TENM3: variants seen among roughly 807,000 people sequenced by gnomAD.
TENM3 encodes the protein teneurin transmembrane protein 3, also known as teneurin-3.
TENM3 carries 63 observed loss-of-function variants against 255.1 expected under a neutral mutation model. The ratio of observed to expected loss-of-function variants is 0.25; its 90% CI spans 0.20 to 0.30. TENM3 has a LOEUF of 0.30. Among genes scored for constraint, TENM3 ranks in the 10% least tolerant of loss-of-function variants. The probability of loss-of-function intolerance (pLI) is 1.00; values close to 1 mark genes in which losing one functional copy is unlikely to be tolerated. For synonymous variants in TENM3, 1,306 were observed against 1,322.3 expected (o/e 0.99, Z 0.27); for missense variants, 2,929 against 3,461.1 (o/e 0.85, Z 3.86).
At chr4:182,798,545 C>G (rs934034978) in intron 27 of TENM3, among the ~76,000 whole-genome samples, 1 of 152,340 alleles carries the variant, frequency 6.6e-6, no homozygotes, top group Admixed American at 6.5e-5. Flanking sequence ...TCTCAGAATG[C>G]CTCCCTGCGG....
the TENM3 span, among the ~76,000 whole-genome samples, chr4:181,878,661 CTATT>C: frequency 6.6e-6 from 1 of 152,052 alleles, no homozygotes; most frequent in African/African-American, 2.4e-5. Flanking sequence ...GCTCATCTGT[CTATT>C]CATTCATCTA....
intron 1 of TENM3, among the ~76,000 whole-genome samples, chr4:182,222,062 C>A (rs575016682): frequency 1.3e-5 from 2 of 152,310 alleles, no homozygotes; most frequent in South Asian, 4.1e-4. Flanking sequence ...CATCAACCTC[C>A]ATCAGCGATT....
chr4:181,950,233 C>T, the TENM3 span, among the ~76,000 whole-genome samples: 2 of 152,078 alleles, frequency 1.3e-5, no homozygotes, highest in African/African-American at 4.8e-5. Flanking sequence ...CCACTCTGCC[C>T]ACCAGAGAAC....
rs79723399 is a variant in TENM3, at chr4:182,596,538, A to G, written c.512-4386A>G. Among the ~76,000 whole-genome samples, 265 of 152,314 alleles carry G rather than the reference A, an allele frequency of 1.7e-3. 1 individual carries two copies. Among genetic ancestry groups the G allele is most frequent in the African/African-American group, 5.9e-3 (245 of 41,572 alleles). On this transcript the variant is annotated intron_variant, in intron 3 of 27. Transcript: ENST00000511685. ...GGTGGCATCACCTTTTTTAGATCTTAAAGTAATTTGGATTTGGAGATAGAA... is the reference window on the plus strand; with the variant it reads ...GGTGGCATCACCTTTTTTAGATCTTGAAGTAATTTGGATTTGGAGATAGAA...
At chr4:182,118,641 C>T in the TENM3 span, among the ~76,000 whole-genome samples, 1 of 151,688 alleles carries the variant, frequency 6.6e-6, no homozygotes, top group African/African-American at 2.4e-5. Flanking sequence ...CTCACTGTTC[C>T]TAGTTTACTG....
At chr4:182,139,890 G>T (rs1561128927), upstream of TENM3, among the ~76,000 whole-genome samples, 1 of 152,296 alleles carries the variant, frequency 6.6e-6, no homozygotes, top group Middle Eastern at 3.4e-3. Flanking sequence ...CCAATTAAAG[G>T]TTGCTTCGTC....
intron 7 of TENM3, among the ~76,000 whole-genome samples, chr4:182,674,533 A>T (rs1755499370): frequency 6.6e-6 from 1 of 152,068 alleles, no homozygotes; most frequent in Admixed American, 6.6e-5. Flanking sequence ...GCCCAATTTT[A>T]AATTTTATAT....
the TENM3 span, among the ~76,000 whole-genome samples, chr4:181,845,928 T>C: frequency 1.3e-5 from 2 of 152,204 alleles, no homozygotes; most frequent in Non-Finnish European, 2.9e-5. Flanking sequence ...TATTGGCATC[T>C]TGCACCTTTC....
the TENM3 span, among the ~76,000 whole-genome samples, chr4:182,095,306 A>G: frequency 2.6e-5 from 4 of 152,230 alleles, no homozygotes; most frequent in African/African-American, 4.8e-5. Flanking sequence ...ACCGATAAAG[A>G]CAATGTGGTA....
At chr4:181,539,349 A>G in the TENM3 span, among the ~76,000 whole-genome samples, 2 of 152,252 alleles carry the variant, frequency 1.3e-5, no homozygotes, top group Non-Finnish European at 2.9e-5. Flanking sequence ...TTAAAATATG[A>G]AACATTGCCA....
intron 3 of TENM3, among the ~76,000 whole-genome samples, chr4:182,540,679 C>T (rs1740783881): frequency 6.6e-6 from 1 of 152,060 alleles, no homozygotes; most frequent in Non-Finnish European, 1.5e-5. Context: ...ATGGTGTCAG[C>T]GGTGTTGAGT....
intron 3 of TENM3, among the ~76,000 whole-genome samples, chr4:182,520,910 A>T (rs1299576359): frequency 6.6e-6 from 1 of 152,078 alleles, no homozygotes; most frequent in Non-Finnish European, 1.5e-5. Flanking sequence ...TTGCCGTTGC[A>T]GCTTTATAGA....
At chr4:181,452,376 C>T in the TENM3 span, among the ~76,000 whole-genome samples, 1 of 152,080 alleles carries the variant, frequency 6.6e-6, no homozygotes, top group Non-Finnish European at 1.5e-5. Flanking sequence ...TTCCCATAAT[C>T]CCCTCGTGTT....
chr4:181,660,256 A>G, the TENM3 span, among the ~76,000 whole-genome samples: 1 of 152,160 alleles, frequency 6.6e-6, no homozygotes, highest in African/African-American at 2.4e-5. Flanking sequence ...GCAAACAGTC[A>G]GTCCCTTTGC....
chr4:181,814,975 T>C, the TENM3 span, among the ~76,000 whole-genome samples: 1 of 151,758 alleles, frequency 6.6e-6, no homozygotes, highest in African/African-American at 2.4e-5. Flanking sequence ...GTAGAAAGTA[T>C]AATTAAATCT....
At chr4:182,770,546 C>T (rs961514850) in intron 22 of TENM3, among the ~76,000 whole-genome samples, 8 of 152,194 alleles carry the variant, frequency 5.3e-5, no homozygotes, top group Admixed American at 3.9e-4. Flanking sequence ...TCAGTTGAGC[C>T]ACACAGTTGC....
chr4:182,245,553 GGGTCTCTGTTTAGCAACTGT>G (rs1022973080), intron 1 of TENM3, among the ~76,000 whole-genome samples: 4 of 152,000 alleles, frequency 2.6e-5, no homozygotes, highest in African/African-American at 9.7e-5. Context: ...GGCCCAGTTT[GGGTCTCTGTTTAGCAACTGT>G]GGTCTGTTTG....
intron 1 of TENM3, among the ~76,000 whole-genome samples, chr4:182,321,276 C>T (rs1027239798): frequency 1.3e-5 from 2 of 152,150 alleles, no homozygotes; most frequent in African/African-American, 4.8e-5. Flanking sequence ...TCTTTGTCCT[C>T]AGCACCTAGA....
At chr4:181,769,606 T>C in the TENM3 span, among the ~76,000 whole-genome samples, 5 of 152,220 alleles carry the variant, frequency 3.3e-5, no homozygotes, top group African/African-American at 9.6e-5. Flanking sequence ...ACATTAAATA[T>C]CTACATAAAG....
Sources: allele counts gnomAD v4.1 joint callset (sites outside exome capture counted in the v4.1 genomes callset), GRCh38; gene constraint gnomAD v4.1.1; transcripts MANE v1.5; gene names NCBI Gene and HGNC (gene_info 2026-07-23, HGNC 2026-07-21).